Variants in SMC5 observed in about 807,000 individuals in gnomAD.
SMC5 encodes structural maintenance of chromosomes protein 5.
In SMC5, 88 loss-of-function variants were observed where a neutral mutation model predicts 148.3. The ratio of observed to expected loss-of-function variants is 0.59; its 90% CI spans 0.50 to 0.71. The LOEUF (loss-of-function observed/expected upper bound fraction) is 0.71, where lower values mean the gene tolerates loss of function less well. Among genes scored for constraint, SMC5 ranks in the 30% least tolerant of loss-of-function variants. The pLI is 0.00. For missense variants in SMC5, 1,142 were observed against 1,298.9 expected (o/e 0.88, Z 1.86); for synonymous variants, 421 against 432.8 (o/e 0.97, Z 0.34).
intron 3 of SMC5, among the ~76,000 whole-genome samples, chr9:70,274,189 T>G (rs916578105): frequency 6.6e-6 from 1 of 152,188 alleles, no homozygotes; most frequent in African/African-American, 2.4e-5. Flanking sequence ...TCACGCCATT[T>G]TCCTGCCTCA....
At chr9:70,314,943 A>T (rs1450226616) in intron 12 of SMC5, 107 bp downstream of exon 12, 5 of 701,920 alleles carry the variant, frequency 7.1e-6, no homozygotes, top group Admixed American at 7.3e-5. Flanking sequence ...AAGATCTCTT[A>T]AGTCGAATAT....
chr9:70,277,756 C>T (rs1271688405), intron 4 of SMC5, among the ~76,000 whole-genome samples: 1 of 151,800 alleles, frequency 6.6e-6, no homozygotes, highest in Non-Finnish European at 1.5e-5. Flanking sequence ...ATTTGTAGAA[C>T]CTTAAAATGT....
intron 1 of SMC5, among the ~76,000 whole-genome samples, chr9:70,259,604 A>G (rs888809066): frequency 1.1e-4 from 16 of 152,140 alleles, no homozygotes; most frequent in African/African-American, 3.6e-4. Flanking sequence ...TCACAGAAGT[A>G]TTGTCCCCGG....
At chr9:70,350,019 TTTACTC>T in intron 22 of SMC5, 89 bp from the exon 23 acceptor site, 1 of 803,932 alleles carries the variant, frequency 1.2e-6, no homozygotes, top group Non-Finnish European at 1.8e-6. Flanking sequence ...TTTTGAGTTC[TTTACTC>T]TTACTCAGTT....
At position 70,347,824 on chromosome 9, in the gene SMC5, C is replaced by G. The variant is rs1454502314; in HGVS notation, c.2770-95C>G. 3.1e-6 allele frequency: 4 copies of G among 1,299,700 alleles called. No homozygotes were observed. In the East Asian group the frequency reaches 7.2e-5, roughly 23 times the overall value. The allele number at this position is 1,299,700 out of a possible 1,614,324, so 80.5% of individuals were successfully genotyped here. A position where few individuals can be genotyped will look rare whatever the true frequency, so the allele number is the denominator to read the frequency against. ...GCTTCTAAGAGAAGTGTGTTATGCCCAGACTGATACTGATATAAAATTTAC... is the reference window on the plus strand; with the variant it reads ...GCTTCTAAGAGAAGTGTGTTATGCCGAGACTGATACTGATATAAAATTTAC... On this transcript the variant is annotated intron_variant, in intron 21 of 24. Transcript: ENST00000361138.
At chr9:70,285,267 G>A (rs924701546) in intron 7 of SMC5, among the ~76,000 whole-genome samples, 31 of 152,096 alleles carry the variant, frequency 2.0e-4, no homozygotes, top group Non-Finnish European at 7.4e-5. Flanking sequence ...AATGCCCTGA[G>A]GACAAAGTCT....
At chr9:70,302,494 G>GAAAA (rs59742059) in intron 10 of SMC5, among the ~76,000 whole-genome samples, 10 of 142,736 alleles carry the variant, frequency 7.0e-5, no homozygotes, top group East Asian at 4.3e-4. Flanking sequence ...TCCGTCTCAA[G>GAAAA]AAAAAAAAAT....
At chr9:70,337,488 C>T (rs2036393325) in intron 17 of SMC5, among the ~76,000 whole-genome samples, 1 of 134,842 alleles carries the variant, frequency 7.4e-6, no homozygotes, top group Non-Finnish European at 1.5e-5. Flanking sequence ...GACAGTCTTG[C>T]TCTGTCACCG....
intron 1 of SMC5, among the ~76,000 whole-genome samples, chr9:70,261,317 GA>G (rs1366631012): frequency 6.6e-6 from 1 of 152,196 alleles, no homozygotes; most frequent in Admixed American, 6.5e-5. Flanking sequence ...GGATGATTTA[GA>G]AAGGGTGCAA....
At chr9:70,306,981 A>C (rs1162029917) in intron 11 of SMC5, among the ~76,000 whole-genome samples, 1 of 152,206 alleles carries the variant, frequency 6.6e-6, no homozygotes, top group African/African-American at 2.4e-5. Flanking sequence ...GCAACATCAT[A>C]ATTTTTGCCA....
At position 70,318,586 on chromosome 9, in the gene SMC5, TCAAA is replaced by T. The variant is rs760362148; in HGVS notation, c.1884_1887del (p.Asn628LysfsTer9). On this transcript the variant is annotated frameshift_variant, in exon 14 of 25. Coordinates refer to ENST00000361138, the MANE Select transcript of SMC5 (RefSeq NM_015110.4). LOFTEE classifies it high-confidence loss of function. ...GTATGTGGTGAAAACTTCTTTTTAT[TCAAA>T]CAAAGTTATTTCTAGTAACACATCT... 4 of 1,612,636 alleles carry T rather than the reference TCAAA, an allele frequency of 2.5e-6. No individual in the cohort carries two copies. The highest frequency in any genetic ancestry group is 3.3e-5 in the Admixed American group (2 of 59,900).
chr9:70,259,297 A>T lies in SMC5; in HGVS notation c.185+34A>T, dbSNP rs903694655. ...CCCGGAGGCCGCGCCGCGGGTGTGGAGGTGTGCTGGCCAGCAGGCCCCGGG... is the reference window on the plus strand; with the variant it reads ...CCCGGAGGCCGCGCCGCGGGTGTGGTGGTGTGCTGGCCAGCAGGCCCCGGG... On this transcript the variant is annotated intron_variant, in intron 1 of 24. Transcript: ENST00000361138. The T allele has an allele frequency of 9.8e-6, 15 of 1,533,982 alleles. No individual in the cohort carries two copies. The Admixed American group carries it at 3.0e-4, about 31-fold the overall frequency.
Position 70,300,376 on chromosome 9 carries a change from A to C in SMC5, c.1464+176A>C, listed in dbSNP as rs140000744. ...TAAAGGTCCCCTGATCAATGAGGGT[A>C]ATAACTGTCATAAAACCTGTGCTTT... On this transcript the variant is annotated intron_variant, in intron 10 of 24. Transcript: ENST00000361138. Among the ~76,000 whole-genome samples the C allele has an allele frequency of 3.9e-3, 600 of 152,222 alleles. 3 individuals are homozygous for C. The highest frequency in any genetic ancestry group is 0.013 in the African/African-American group (554 of 41,560).
At chr9:70,323,999 T>C (rs201562426) in intron 16 of SMC5, 22 bp from the exon 17 acceptor site, 3 of 1,523,032 alleles carry the variant, frequency 2.0e-6, no homozygotes, top group African/African-American at 2.8e-5. Context: ...AAAAATTAAC[T>C]CTTAGGGGTT....
intron 17 of SMC5, among the ~76,000 whole-genome samples, chr9:70,333,592 A>G (rs1006707805): frequency 6.6e-6 from 1 of 152,174 alleles, no homozygotes; most frequent in Non-Finnish European, 1.5e-5. Context: ...TTAGCTGGGC[A>G]TGGTGGCACA....
intron 17 of SMC5, among the ~76,000 whole-genome samples, chr9:70,339,220 G>T (rs1465246007): frequency 6.6e-6 from 1 of 152,086 alleles, no homozygotes; most frequent in East Asian, 1.9e-4. Flanking sequence ...ACGAGGTCGG[G>T]AGATCGAGAC....
intron 3 of SMC5, among the ~76,000 whole-genome samples, chr9:70,274,742 T>C (rs1274584188): frequency 6.6e-6 from 1 of 152,096 alleles, no homozygotes; most frequent in Non-Finnish European, 1.5e-5. Flanking sequence ...TCTTGGAAAT[T>C]AGGCATTCTT....
intron 12 of SMC5, among the ~76,000 whole-genome samples, chr9:70,315,109 C>T (rs1290414290): frequency 2.0e-5 from 3 of 151,656 alleles, no homozygotes; most frequent in Admixed American, 2.0e-4. Context: ...TAAATTATCC[C>T]TTCATAATGC....
chr9:70,280,679 G>C, intron 5 of SMC5, 80 bp from the exon 6 acceptor site: 1 of 1,372,266 alleles, frequency 7.3e-7, no homozygotes, highest in Non-Finnish European at 9.9e-7. Context: ...TTTTGCCATC[G>C]TTTATTTTTC....
Sources: allele counts gnomAD v4.1 joint callset (sites outside exome capture counted in the v4.1 genomes callset), GRCh38; gene constraint gnomAD v4.1.1; transcripts MANE v1.5; gene names NCBI Gene and HGNC (gene_info 2026-07-23, HGNC 2026-07-21).